Variants in ADORA1 observed in about 807,000 individuals in gnomAD.
ADORA1 encodes the protein adenosine A1 receptor.
Under a neutral mutation model 19.9 loss-of-function variants are expected in ADORA1, and 6 were observed. That is an observed-to-expected ratio of 0.30 (90% CI 0.17 to 0.59). ADORA1 has a LOEUF of 0.59. Ranked by LOEUF, ADORA1 falls within the 20% of genes least tolerant of loss-of-function variation. The probability of loss-of-function intolerance (pLI) is 0.87; values close to 1 mark genes in which losing one functional copy is unlikely to be tolerated. For missense variants in ADORA1, 302 were observed against 439.2 expected (o/e 0.69, Z 2.79); for synonymous variants, 194 against 188.4 (o/e 1.03, Z -0.24).
At position 203,128,373 on chromosome 1, in the gene ADORA1, T is replaced by G; in HGVS notation, c.-117T>G. On this transcript the variant is annotated 5_prime_UTR_variant, in exon 2 of 4. Transcript: ENST00000337894. The surrounding 1 kb of genome is among the most constrained non-coding windows in gnomAD (Gnocchi z 5.9). ...AGCCCTACCGCGCGCGGCCCGGAGC[T>G]CTGTTCCCTGGAACTTTGGGCACTG... 2 of 1,290,478 alleles carry G rather than the reference T, an allele frequency of 1.5e-6. No individual in the cohort carries two copies. Among genetic ancestry groups the G allele is most frequent in the Non-Finnish European group, 2.0e-6 (2 of 989,550 alleles). The allele number at this position is 1,290,478 out of a possible 1,614,324, so 79.9% of individuals were successfully genotyped here.
chr1:203,142,442 T>C (rs1654725481), intron 3 of ADORA1, among the ~76,000 whole-genome samples: 1 of 152,192 alleles, frequency 6.6e-6, no homozygotes, highest in Non-Finnish European at 1.5e-5. Flanking sequence ...AAGGACACCT[T>C]AGTGGGGAAG....
chr1:203,129,305 G>T (rs1399397835), intron 3 of ADORA1, 123 bp downstream of exon 3: 2 of 1,460,972 alleles, frequency 1.4e-6, no homozygotes, highest in Middle Eastern at 3.7e-4. Flanking sequence ...GGGCCATCGT[G>T]CTCCAGTCCT....
intron 3 of ADORA1, among the ~76,000 whole-genome samples, chr1:203,148,111 C>T (rs571248299): frequency 6.6e-5 from 10 of 152,178 alleles, no homozygotes; most frequent in South Asian, 2.1e-4. Flanking sequence ...CCCAGCTACT[C>T]GGGAGGCTGA....
chr1:203,141,601 G>A lies in ADORA1; in HGVS notation c.341+12419G>A, dbSNP rs1363404060. On this transcript the variant is annotated intron_variant, in intron 3 of 3. Transcript: ENST00000337894. ...TTTTTTTTTTTTTTTTTTTTTTTGAGGTAGAGTCTCACTTTGTTGCCTAGG... is the reference window on the plus strand; with the variant it reads ...TTTTTTTTTTTTTTTTTTTTTTTGAAGTAGAGTCTCACTTTGTTGCCTAGG... Among the ~76,000 whole-genome samples the A allele has an allele frequency of 1.2e-3, 87 of 71,394 alleles. 1 individual carries two copies. Among genetic ancestry groups the A allele is most frequent in the African/African-American group, 4.3e-3 (85 of 19,622 alleles). 46.8% of individuals were successfully genotyped at this position (71,394 alleles called of 152,430 possible).
Position 203,161,608 on chromosome 1 carries a change from G to C in ADORA1, c.342-3653G>C, listed in dbSNP as rs547714815. Among the ~76,000 whole-genome samples the C allele has an allele frequency of 9.5e-4, 137 of 144,832 alleles. 3 individuals are homozygous for C. The highest frequency in any genetic ancestry group is 6.8e-3 in the Admixed American group (97 of 14,332). Reference sequence around the variant, plus strand: ...TTTTTTGAGACAGATTTTCGCTCTTGTTGCCTAGGCTGGTGTGCAATGGCG... The same window carrying C: ...TTTTTTGAGACAGATTTTCGCTCTTCTTGCCTAGGCTGGTGTGCAATGGCG... On this transcript the variant is annotated intron_variant, in intron 3 of 3. Coordinates refer to ENST00000337894, the MANE Select transcript of ADORA1 (RefSeq NM_000674.3).
In ADORA1 at chr1:203,145,479, C is replaced by T. The variant is rs116056951; in HGVS notation, c.341+16297C>T. On this transcript the variant is annotated intron_variant, in intron 3 of 3. Transcript: ENST00000337894. ...GCAGGTCCGGCCGCCTGTAAGGATCCGGTGAGTGGTGTGTGCAGGGGCTGA... is the reference window on the plus strand; with the variant it reads ...GCAGGTCCGGCCGCCTGTAAGGATCTGGTGAGTGGTGTGTGCAGGGGCTGA... Among the ~76,000 whole-genome samples the T allele has an allele frequency of 4.1e-3, 623 of 152,316 alleles. 6 individuals carry two copies. Among genetic ancestry groups the T allele is most frequent in the African/African-American group, 0.013 (533 of 41,564 alleles).
intron 3 of ADORA1, among the ~76,000 whole-genome samples, chr1:203,131,951 G>A (rs889789070): frequency 5.3e-5 from 8 of 152,182 alleles, no homozygotes; most frequent in African/African-American, 1.7e-4. Context: ...GCACTGGTGA[G>A]GCGTGTCTGG....
intron 3 of ADORA1, among the ~76,000 whole-genome samples, chr1:203,131,449 A>G (rs1654328756): frequency 6.6e-6 from 1 of 152,174 alleles, no homozygotes; most frequent in Non-Finnish European, 1.5e-5. Flanking sequence ...GACCCTCAGT[A>G]AACGTTGATT....
intron 3 of ADORA1, among the ~76,000 whole-genome samples, chr1:203,141,341 A>G (rs1654683606): frequency 1.3e-5 from 2 of 152,200 alleles, no homozygotes; most frequent in Admixed American, 6.5e-5. Context: ...AGCTCTCACC[A>G]TGCACCCTGC....
At chr1:203,140,060 A>G (rs1178007852) in intron 3 of ADORA1, among the ~76,000 whole-genome samples, 1 of 152,252 alleles carries the variant, frequency 6.6e-6, no homozygotes, top group Non-Finnish European at 1.5e-5. Flanking sequence ...CGGTGATATA[A>G]AAAGGATAAT....
intron 3 of ADORA1, among the ~76,000 whole-genome samples, chr1:203,146,164 G>A (rs1358131809): frequency 6.6e-6 from 1 of 152,052 alleles, no homozygotes; most frequent in African/African-American, 2.4e-5. Context: ...CAGTGTCAGG[G>A]GTGGGGGAGG....
At chr1:203,164,976 T>C in intron 3 of ADORA1, 1 of 1,486,318 alleles carries the variant, frequency 6.7e-7, no homozygotes. Flanking sequence ...TGTGGTCATT[T>C]CCTTGAAATT....
intron 3 of ADORA1, among the ~76,000 whole-genome samples, chr1:203,160,603 T>C (rs534207193): frequency 2.7e-4 from 41 of 152,288 alleles, no homozygotes; most frequent in Non-Finnish European, 4.1e-4. Flanking sequence ...ACTTGAGCCC[T>C]GGAGTTTGAG....
At chr1:203,148,432 A>C (rs748588312) in intron 3 of ADORA1, among the ~76,000 whole-genome samples, 1 of 152,238 alleles carries the variant, frequency 6.6e-6, no homozygotes. Context: ...AATCGGCTCC[A>C]TCTTATGGAT....
chr1:203,160,948 C>T (rs1558138165), intron 3 of ADORA1, among the ~76,000 whole-genome samples: 2 of 152,218 alleles, frequency 1.3e-5, no homozygotes, highest in East Asian at 3.8e-4. Flanking sequence ...CAGAATCTCC[C>T]ACCCCTCCTA....
chr1:203,155,706 G>A (rs1052641798), intron 3 of ADORA1, among the ~76,000 whole-genome samples: 2 of 152,228 alleles, frequency 1.3e-5, no homozygotes, highest in Non-Finnish European at 2.9e-5. Context: ...CTATGGACAT[G>A]TTGGTGGCTG....
At chr1:203,162,873 G>A (rs1397273153) in intron 3 of ADORA1, among the ~76,000 whole-genome samples, 1 of 152,156 alleles carries the variant, frequency 6.6e-6, no homozygotes, top group Non-Finnish European at 1.5e-5. Context: ...GGGTGGTGGG[G>A]GTAGGCAGGA....
At chr1:203,129,219 A>G in intron 3 of ADORA1, 37 bp downstream of exon 3, 3 of 1,570,856 alleles carry the variant, frequency 1.9e-6, no homozygotes, top group Non-Finnish European at 2.6e-6. Flanking sequence ...GCAGCACCAC[A>G]TGATGGCTGG....
chr1:203,148,216 C>A (rs553315396), intron 3 of ADORA1, among the ~76,000 whole-genome samples: 1 of 152,304 alleles, frequency 6.6e-6, no homozygotes, highest in African/African-American at 2.4e-5. Flanking sequence ...GAGACCCTGT[C>A]TCAAAAAACA....
Sources: gnomAD v4.1 joint callset for allele counts (sites outside exome capture counted in the v4.1 genomes callset) on GRCh38, gnomAD v4.1.1 for gene constraint, Gnocchi (gnomAD v3.1) non-coding constraint, MANE v1.5 for transcripts, NCBI Gene and HGNC (gene_info 2026-07-23, HGNC 2026-07-21) for gene names.